The following CCDC25 variants were observed in gnomAD, a reference collection of about 807,000 sequenced individuals.
CCDC25 encodes coiled-coil domain containing 25, also known as coiled-coil domain-containing protein 25.
Under a neutral mutation model 35.3 loss-of-function variants are expected in CCDC25, and 16 were observed. The observed-to-expected ratio is 0.45, with a 90% CI of 0.31 to 0.69. CCDC25 has a LOEUF of 0.69. CCDC25 is among the 30% of genes least tolerant of loss of function. The pLI is 0.06. For missense variants in CCDC25, 179 were observed against 250.7 expected, an observed-to-expected ratio of 0.71 and a Z score of 1.93; for synonymous variants, 79 against 80.3, an observed-to-expected ratio of 0.98 and a Z score of 0.09.
Position 27,736,102 on chromosome 8 carries a change from G to C in CCDC25, c.*114C>G. On this transcript the variant is annotated 3_prime_UTR_variant, in exon 9 of 9. Coordinates refer to ENST00000356537, the MANE Select transcript of CCDC25 (RefSeq NM_018246.3). ...TTGAAAATCAATAATTTCTGGGTAGGATGAAGGTAGAATTTTGGTTGTATT... is the reference window on the plus strand; with the variant it reads ...TTGAAAATCAATAATTTCTGGGTAGCATGAAGGTAGAATTTTGGTTGTATT... The C allele has an allele frequency of 1.1e-6, 1 of 947,372 alleles. No individual in the cohort carries two copies. The highest frequency in any genetic ancestry group is 1.6e-6 in the Non-Finnish European group (1 of 628,876). 58.7% of individuals were successfully genotyped at this position (947,372 alleles called of 1,614,324 possible). A position where few individuals can be genotyped will look rare whatever the true frequency, so the allele number is the denominator to read the frequency against.
At chr8:27,738,799 G>T (rs1237381190) in intron 8 of CCDC25, among the ~76,000 whole-genome samples, 1 of 152,180 alleles carries the variant, frequency 6.6e-6, no homozygotes, top group Non-Finnish European at 1.5e-5. Context: ...CATCTGAGTT[G>T]TGGTATGTTG....
chr8:27,757,949 T>C (rs1175546443), intron 3 of CCDC25, among the ~76,000 whole-genome samples: 3 of 152,164 alleles, frequency 2.0e-5, no homozygotes, highest in Non-Finnish European at 2.9e-5. Context: ...GCTCCTGCCA[T>C]GTAAGCCGCC....
chr8:27,744,708 TG>T (rs1206010119), intron 7 of CCDC25, among the ~76,000 whole-genome samples: 2 of 152,238 alleles, frequency 1.3e-5, no homozygotes, highest in South Asian at 2.1e-4. Flanking sequence ...CTTGCCTATG[TG>T]TGACCTTGAC....
chr8:27,761,170 G>C (rs1186528491), intron 3 of CCDC25, among the ~76,000 whole-genome samples: 3 of 152,076 alleles, frequency 2.0e-5, no homozygotes, highest in Non-Finnish European at 4.4e-5. Flanking sequence ...CTAAAAAGCA[G>C]TAGCCCAACT....
intron 7 of CCDC25, among the ~76,000 whole-genome samples, chr8:27,746,475 C>CATTAGG (rs935791513): frequency 2.0e-5 from 3 of 152,120 alleles, no homozygotes; most frequent in Non-Finnish European, 4.4e-5. Context: ...TCTTATGTTC[C>CATTAGG]TAATATATGT....
intron 3 of CCDC25, among the ~76,000 whole-genome samples, chr8:27,758,945 T>C (rs1804114612): frequency 1.3e-5 from 2 of 152,004 alleles, no homozygotes; most frequent in African/African-American, 4.8e-5. Flanking sequence ...GATACACCTC[T>C]ACAAAGAGCA....
rs8445 is a variant in CCDC25, at chr8:27,733,744, G to A, written c.*2472C>T. On this transcript the variant is annotated 3_prime_UTR_variant, in exon 9 of 9. Transcript: ENST00000356537. ...ACCTCAAATCAAAGAAAAAGCACGCGTCAATATCACGCGTAGGAAAAACTA... is the reference window on the plus strand; with the variant it reads ...ACCTCAAATCAAAGAAAAAGCACGCATCAATATCACGCGTAGGAAAAACTA... 2.0e-5 allele frequency: 3 copies of A among 152,000 alleles called. No homozygotes were observed. The highest frequency in any genetic ancestry group is 1.9e-4 in the East Asian group (1 of 5,180). 9.4% of individuals were successfully genotyped at this position (152,000 alleles called of 1,614,324 possible). A position where few individuals can be genotyped will look rare whatever the true frequency, so the allele number is the denominator to read the frequency against.
chr8:27,742,446 C>A (rs1365258552), intron 7 of CCDC25, among the ~76,000 whole-genome samples: 1 of 152,218 alleles, frequency 6.6e-6, no homozygotes, highest in African/African-American at 2.4e-5. Flanking sequence ...GAATGTCAGT[C>A]CTGACTGCAT....
At chr8:27,765,855 C>G (rs948996094) in intron 1 of CCDC25, among the ~76,000 whole-genome samples, 1 of 152,178 alleles carries the variant, frequency 6.6e-6, no homozygotes, top group Non-Finnish European at 1.5e-5. Context: ...TGCCCCAGCT[C>G]CACCTCAGAT....
intron 2 of CCDC25, chr8:27,764,527 C>T (rs1338920923): frequency 5.8e-6 from 2 of 343,834 alleles, no homozygotes; most frequent in African/African-American, 2.2e-5. Flanking sequence ...GATCCTCTCG[C>T]CTCAGCCTGT....
In CCDC25 at chr8:27,733,685, T is replaced by C. The variant is rs750676466; in HGVS notation, c.*2531A>G. ...TCACTCAGTCACTCTAATATGATCA[T>C]TTTGAATATGGAAATTTGTTATTTA... On this transcript the variant is annotated 3_prime_UTR_variant, in exon 9 of 9. Transcript: ENST00000356537. 8 of 152,330 alleles carry C rather than the reference T, an allele frequency of 5.3e-5. No homozygotes were observed. Among genetic ancestry groups the C allele is most frequent in the South Asian group, 2.1e-4 (1 of 4,822 alleles). 9.4% of individuals were successfully genotyped at this position (152,330 alleles called of 1,614,324 possible). A position where few individuals can be genotyped will look rare whatever the true frequency, so the allele number is the denominator to read the frequency against.
chr8:27,756,384 C>A, intron 4 of CCDC25: 1 of 197,070 alleles, frequency 5.1e-6, no homozygotes, highest in Non-Finnish European at 1.0e-5. Context: ...TCACATGAGC[C>A]ACACATGATA....
At chr8:27,744,156 T>C (rs1056029074) in intron 7 of CCDC25, among the ~76,000 whole-genome samples, 3 of 152,230 alleles carry the variant, frequency 2.0e-5, no homozygotes, top group Non-Finnish European at 2.9e-5. Flanking sequence ...CTGAAACTCA[T>C]AAAATGATAC....
rs770569574 is a variant in CCDC25, at chr8:27,748,146, G to C, written c.482C>G (p.Ala161Gly). 1 of 1,613,190 alleles carries C rather than the reference G, an allele frequency of 6.2e-7. No individual in the cohort carries two copies. The highest frequency in any genetic ancestry group is 8.5e-7 in the Non-Finnish European group (1 of 1,179,752). Reference sequence around the variant, plus strand: ...TCTCTTTTTCATTTCCTGAATTTGGGCTTTTTTCTCATTCCTCTCTTCACG... The same window carrying C: ...TCTCTTTTTCATTTCCTGAATTTGGCCTTTTTTCTCATTCCTCTCTTCACG... ...RDREERNEKKAQIQEMKKREK... is the reference protein window; with the variant it reads ...RDREERNEKKGQIQEMKKREK... Residue 161 changes from alanine (A) to glycine (G), a missense_variant, in exon 7 of 9, where the codon GCC becomes GGC. By Grantham distance (60) the Ala-to-Gly change is moderately conservative. Transcript: ENST00000356537.
In CCDC25 at chr8:27,748,606, G is replaced by A; in HGVS notation, c.245-8C>T. The A allele has an allele frequency of 6.2e-7, 1 of 1,602,828 alleles. No homozygotes were observed. Among genetic ancestry groups the A allele is most frequent in the South Asian group, 1.1e-5 (1 of 90,858 alleles). On this transcript the variant is annotated splice_region_variant and splice_polypyrimidine_tract_variant and intron_variant, in intron 5 of 8. Transcript: ENST00000356537. ...CGTTGTTCATCTTGCAGCCTGCCAA[G>A]AGAGACTGTCTTCAACATGCAGGCA... is the stretch of plus-strand genomic sequence containing the variant.
chr8:27,740,566 C>T, intron 7 of CCDC25, 49 bp from the exon 8 acceptor site: 1 of 1,528,604 alleles, frequency 6.5e-7, no homozygotes, highest in South Asian at 1.1e-5. Flanking sequence ...GTGATCCAGT[C>T]AACAAATATT....
chr8:27,746,224 G>T (rs1803597827), intron 7 of CCDC25, among the ~76,000 whole-genome samples: 1 of 152,190 alleles, frequency 6.6e-6, no homozygotes, highest in African/African-American at 2.4e-5. Context: ...TAAGTAATAT[G>T]TGTAGGTTTG....
intron 7 of CCDC25, among the ~76,000 whole-genome samples, chr8:27,741,287 G>T (rs887982492): frequency 2.0e-5 from 3 of 152,170 alleles, no homozygotes; most frequent in Non-Finnish European, 4.4e-5. Flanking sequence ...CGGATGAGAA[G>T]AAAACAGAAA....
In CCDC25 at chr8:27,752,602, T is replaced by A; in HGVS notation, c.169-15A>T. Reference sequence around the variant, plus strand: ...ATATTCTCTCCCTGAAACACAAAAATAAACCAATTGGTCCACTACCTCATT... The same window carrying A: ...ATATTCTCTCCCTGAAACACAAAAAAAAACCAATTGGTCCACTACCTCATT... On this transcript the variant is annotated splice_polypyrimidine_tract_variant and intron_variant, in intron 4 of 8. Coordinates refer to ENST00000356537, the MANE Select transcript of CCDC25 (RefSeq NM_018246.3). The A allele has an allele frequency of 6.2e-7, 1 of 1,604,440 alleles. No individual in the cohort carries two copies. The highest frequency in any genetic ancestry group is 1.1e-5 in the South Asian group (1 of 90,894).
Sources: gnomAD v4.1 joint callset for allele counts (sites outside exome capture counted in the v4.1 genomes callset) on GRCh38, gnomAD v4.1.1 for gene constraint, MANE v1.5 for transcripts, NCBI Gene and HGNC (gene_info 2026-07-23, HGNC 2026-07-21) for gene names.